Variants in MAP3K7 observed in about 807,000 individuals in gnomAD.
MAP3K7 encodes the protein mitogen-activated protein kinase kinase kinase 7.
A neutral mutation model predicts 84.8 loss-of-function variants in MAP3K7; 21 were observed. The ratio of observed to expected loss-of-function variants is 0.25; its 90% CI spans 0.18 to 0.36. The LOEUF is 0.36. Ranked by LOEUF, MAP3K7 falls within the 10% of genes least tolerant of loss-of-function variation. The probability of loss-of-function intolerance (pLI) is 1.00; values close to 1 mark genes in which losing one functional copy is unlikely to be tolerated. For synonymous variants in MAP3K7, 241 were observed against 247.7 expected (o/e 0.97, Z 0.25); for missense variants, 503 against 747.7 (o/e 0.67, Z 3.82).
chr6:90,564,565 TA>T (rs1274480494), intron 3 of MAP3K7, among the ~76,000 whole-genome samples: 1 of 152,188 alleles, frequency 6.6e-6, no homozygotes, highest in Non-Finnish European at 1.5e-5. Context: ...CCCAGATTCA[TA>T]AAGCAAGTCC....
intron 12 of MAP3K7, among the ~76,000 whole-genome samples, chr6:90,539,595 T>C (rs1775790487): frequency 6.6e-6 from 1 of 151,874 alleles, no homozygotes; most frequent in Non-Finnish European, 1.5e-5. Flanking sequence ...ATAACTTACA[T>C]GCTTCCAGTT....
intron 1 of MAP3K7, among the ~76,000 whole-genome samples, chr6:90,581,088 T>C (rs1283089233): frequency 1.3e-5 from 2 of 152,302 alleles, no homozygotes; most frequent in East Asian, 3.9e-4. Context: ...TTTGTGTGTT[T>C]GTGTGTTATT....
chr6:90,561,084 T>C (rs1259787592), intron 4 of MAP3K7, among the ~76,000 whole-genome samples: 2 of 151,982 alleles, frequency 1.3e-5, no homozygotes, highest in Non-Finnish European at 2.9e-5. Context: ...TAACAATTTG[T>C]TTTATATAAC....
intron 13 of MAP3K7, among the ~76,000 whole-genome samples, chr6:90,531,352 T>C (rs748315902): frequency 1.3e-5 from 2 of 152,200 alleles, no homozygotes; most frequent in African/African-American, 4.8e-5. Flanking sequence ...GAAATCTTAG[T>C]AGCTAAAATT....
intron 11 of MAP3K7, among the ~76,000 whole-genome samples, chr6:90,545,482 A>G (rs926405136): frequency 1.3e-5 from 2 of 152,134 alleles, no homozygotes; most frequent in African/African-American, 2.4e-5. Flanking sequence ...TGAGACAGCA[A>G]TTAGTATGTG....
intron 10 of MAP3K7, 91 bp from the exon 11 acceptor site, chr6:90,547,478 T>C (rs1451791746): frequency 4.3e-6 from 6 of 1,383,780 alleles, no homozygotes; most frequent in Non-Finnish European, 6.0e-6. Context: ...GCAAATGGGA[T>C]TCTGATAGAT....
In MAP3K7 at chr6:90,515,478, G is replaced by C. The variant is rs1376202075; in HGVS notation, c.*1023C>G. On this transcript the variant is annotated 3_prime_UTR_variant, in exon 17 of 17. Transcript: ENST00000369329. Reference sequence around the variant, plus strand: ...AATATTCCAATATCCAGGATAATTAGGACACTTGTTGAATTTATATTTGCT... The same window carrying C: ...AATATTCCAATATCCAGGATAATTACGACACTTGTTGAATTTATATTTGCT... 1 of 151,838 alleles carries C rather than the reference G, an allele frequency of 6.6e-6. No individual in the cohort carries two copies. The highest frequency in any genetic ancestry group is 2.4e-5 in the African/African-American group (1 of 41,376). The allele number at this position is 151,838 out of a possible 1,614,324, so 9.4% of individuals were successfully genotyped here.
At chr6:90,574,755 G>A (rs1487896424) in intron 1 of MAP3K7, among the ~76,000 whole-genome samples, 2 of 152,154 alleles carry the variant, frequency 1.3e-5, no homozygotes, top group African/African-American at 2.4e-5. Flanking sequence ...ACCTAGTGAT[G>A]AGAGTAGAGC....
intron 9 of MAP3K7, among the ~76,000 whole-genome samples, chr6:90,548,979 G>C (rs2127972718): frequency 6.6e-6 from 1 of 152,168 alleles, no homozygotes; most frequent in East Asian, 1.9e-4. Context: ...CGTCTGAATG[G>C]AGTCAGCTCA....
chr6:90,542,428 G>A (rs1775881936), intron 12 of MAP3K7: 1 of 984,148 alleles, frequency 1.0e-6, no homozygotes, highest in South Asian at 4.7e-5. Context: ...GAATAGCACT[G>A]CTGCTCTGGC....
intron 2 of MAP3K7, 68 bp from the exon 3 acceptor site, chr6:90,568,691 A>G (rs1403098198): frequency 8.9e-7 from 1 of 1,129,460 alleles, no homozygotes; most frequent in African/African-American, 1.6e-5. Flanking sequence ...CAGTATCATT[A>G]AAATCTTACT....
intron 11 of MAP3K7, 98 bp downstream of exon 11, chr6:90,547,160 A>T: frequency 7.3e-7 from 1 of 1,365,508 alleles, no homozygotes; most frequent in South Asian, 1.3e-5. Context: ...TTAAAAAAAA[A>T]TATAAGACAC....
intron 14 of MAP3K7, among the ~76,000 whole-genome samples, chr6:90,520,948 A>C (rs1013064262): frequency 6.6e-6 from 1 of 152,090 alleles, no homozygotes; most frequent in Non-Finnish European, 1.5e-5. Context: ...TCTTTCTTAA[A>C]TCACTGATAC....
chr6:90,526,345 C>G (rs964955596), intron 13 of MAP3K7, among the ~76,000 whole-genome samples: 1 of 152,000 alleles, frequency 6.6e-6, no homozygotes, highest in Non-Finnish European at 1.5e-5. Flanking sequence ...ATGTACTAAG[C>G]TATAAAGCAA....
rs1448322840 is a variant in MAP3K7, at chr6:90,568,490, C to T, written c.297+68G>A. The T allele has an allele frequency of 3.8e-6, 5 of 1,325,148 alleles. No individual in the cohort carries two copies. The African/African-American group carries it at 7.5e-5, about 20-fold the overall frequency. 82.1% of individuals were successfully genotyped at this position (1,325,148 alleles called of 1,614,324 possible). On this transcript the variant is annotated intron_variant, in intron 3 of 16. Coordinates refer to ENST00000369329, the MANE Select transcript of MAP3K7 (RefSeq NM_145331.3). ...AAACAAAAAAACCCAAAAATAGCTA[C>T]ATAAACTACACACACACATCTGCCA...
chr6:90,574,314 G>A (rs1777001446), intron 1 of MAP3K7, among the ~76,000 whole-genome samples: 1 of 151,892 alleles, frequency 6.6e-6, no homozygotes, highest in Non-Finnish European at 1.5e-5. Flanking sequence ...CCACTATGTT[G>A]CCCAGGTTGG....
At chr6:90,571,842 A>G in intron 1 of MAP3K7, 35 bp from the exon 2 acceptor site, 1 of 1,238,000 alleles carries the variant, frequency 8.1e-7, no homozygotes, top group Non-Finnish European at 1.2e-6. Context: ...ACAAACAAAA[A>G]ACACCACAAG....
In MAP3K7 at chr6:90,571,818, CAAACAAACAAA is replaced by C. The variant is rs761500935; in HGVS notation, c.121-22_121-12del. 2.3e-5 allele frequency: 35 copies of C among 1,491,736 alleles called. No homozygotes were observed. The highest frequency in any genetic ancestry group is 7.9e-5 in the Admixed American group (4 of 50,576). 92.4% of individuals were successfully genotyped at this position (1,491,736 alleles called of 1,614,324 possible). A position where few individuals can be genotyped will look rare whatever the true frequency, so the allele number is the denominator to read the frequency against. On this transcript the variant is annotated splice_polypyrimidine_tract_variant and intron_variant, in intron 1 of 16. Transcript: ENST00000369329. The stretch of plus-strand genomic sequence containing the variant: ...TCCTCTTCCAACAACCTGAGTTAAA[CAAACAAACAAA>C]AAACAAACAAAAAACACCACAAGAA...
chr6:90,521,261 T>C (rs1297244170), intron 14 of MAP3K7, among the ~76,000 whole-genome samples: 2 of 14,836 alleles, frequency 1.3e-4, no homozygotes, highest in East Asian at 7.0e-4. Context: ...TTTTTGCGTG[T>C]GTGTGTGTGT....
Sources: allele counts gnomAD v4.1 joint callset (sites outside exome capture counted in the v4.1 genomes callset), GRCh38; gene constraint gnomAD v4.1.1; transcripts MANE v1.5; gene names NCBI Gene and HGNC (gene_info 2026-07-23, HGNC 2026-07-21).